KCNQ5: variants seen among roughly 807,000 people sequenced by gnomAD.
KCNQ5 encodes potassium voltage-gated channel subfamily Q member 5.
A neutral mutation model predicts 98.2 loss-of-function variants in KCNQ5; 30 were observed. That is an observed-to-expected ratio of 0.31 (90% CI 0.23 to 0.41). KCNQ5 has a LOEUF of 0.41. KCNQ5 is among the 10% of genes least tolerant of loss of function. The pLI, the probability that KCNQ5 is intolerant of heterozygous loss-of-function variation, is 1.00. For synonymous variants in KCNQ5, 458 were observed against 449.4 expected, an observed-to-expected ratio of 1.02 and a Z score of -0.24; for missense variants, 835 against 1,182.5, an observed-to-expected ratio of 0.71 and a Z score of 4.31.
At chr6:72,725,634 A>G (rs1770223724) in intron 1 of KCNQ5, among the ~76,000 whole-genome samples, 2 of 152,162 alleles carry the variant, frequency 1.3e-5, no homozygotes, top group South Asian at 4.1e-4. Flanking sequence ...ATAAAAATGC[A>G]TTGTATGTTT....
intron 1 of KCNQ5, among the ~76,000 whole-genome samples, chr6:72,975,426 C>G (rs1175743475): frequency 6.6e-6 from 1 of 152,098 alleles, no homozygotes; most frequent in Non-Finnish European, 1.5e-5. Context: ...GCCAACTTTT[C>G]TGATCTATAA....
intron 1 of KCNQ5, among the ~76,000 whole-genome samples, chr6:72,661,096 T>G (rs553277988): frequency 6.6e-6 from 1 of 152,204 alleles, no homozygotes; most frequent in South Asian, 2.1e-4. Flanking sequence ...TATTCATGTC[T>G]AAATCATTTT....
chr6:72,649,396 G>T (rs1765766796), intron 1 of KCNQ5, among the ~76,000 whole-genome samples: 1 of 152,108 alleles, frequency 6.6e-6, no homozygotes, highest in African/African-American at 2.4e-5. Flanking sequence ...CTCGTGTATA[G>T]GCACATTACC....
intron 1 of KCNQ5, among the ~76,000 whole-genome samples, chr6:72,793,549 A>G (rs924482868): frequency 2.6e-5 from 4 of 152,168 alleles, no homozygotes; most frequent in African/African-American, 9.7e-5. Context: ...TTCCCCTTAT[A>G]TTATGGGGGA....
chr6:72,627,765 T>G (rs1381777832), intron 1 of KCNQ5, among the ~76,000 whole-genome samples: 1 of 152,218 alleles, frequency 6.6e-6, no homozygotes, highest in Non-Finnish European at 1.5e-5. Flanking sequence ...CTTACTGCAC[T>G]GCTCCACCCT....
intron 1 of KCNQ5, among the ~76,000 whole-genome samples, chr6:72,950,247 A>G (rs1374463801): frequency 6.6e-6 from 1 of 152,188 alleles, no homozygotes; most frequent in Non-Finnish European, 1.5e-5. Context: ...CGTATTCAGT[A>G]TCATTTCTTC....
intron 1 of KCNQ5, among the ~76,000 whole-genome samples, chr6:72,984,348 G>A (rs192007904): frequency 2.6e-5 from 4 of 152,302 alleles, no homozygotes; most frequent in Admixed American, 6.5e-5. Flanking sequence ...AGGCCTTGTT[G>A]AGCTGCGTGG....
chr6:73,007,111 A>G (rs1215750903), intron 2 of KCNQ5, among the ~76,000 whole-genome samples: 1 of 152,142 alleles, frequency 6.6e-6, no homozygotes, highest in East Asian at 1.9e-4. Context: ...CCTCATTTCC[A>G]TCCAGAATGG....
chr6:72,814,435 A>G (rs946952410), intron 1 of KCNQ5, among the ~76,000 whole-genome samples: 1 of 152,254 alleles, frequency 6.6e-6, no homozygotes, highest in African/African-American at 2.4e-5. Context: ...CCAACCTCAT[A>G]GATTCCTGTG....
intron 1 of KCNQ5, among the ~76,000 whole-genome samples, chr6:72,724,015 C>A (rs1289768625): frequency 3.3e-5 from 5 of 152,060 alleles, no homozygotes; most frequent in Non-Finnish European, 7.4e-5. Context: ...TTTCTTTTGA[C>A]ACGCTTTCTT....
chr6:72,919,101 T>A (rs1009681312), intron 1 of KCNQ5, among the ~76,000 whole-genome samples: 2 of 152,196 alleles, frequency 1.3e-5, no homozygotes, highest in African/African-American at 2.4e-5. Flanking sequence ...TTGGCCCTGA[T>A]TCTAGATGGC....
At chr6:73,180,477 C>T (rs778621002) in intron 11 of KCNQ5, among the ~76,000 whole-genome samples, 7 of 152,174 alleles carry the variant, frequency 4.6e-5, no homozygotes, top group Non-Finnish European at 1.0e-4. Flanking sequence ...CACCAAGGCA[C>T]ACTAATGCCA....
chr6:72,937,770 T>A (rs779332897), intron 1 of KCNQ5, among the ~76,000 whole-genome samples: 1 of 151,852 alleles, frequency 6.6e-6, no homozygotes, highest in African/African-American at 2.4e-5. Context: ...TAAAGTAAAA[T>A]TTTTTTTATT....
intron 10 of KCNQ5, among the ~76,000 whole-genome samples, chr6:73,160,765 C>CT (rs1177086214): frequency 6.6e-6 from 1 of 152,188 alleles, no homozygotes; most frequent in African/African-American, 2.4e-5. Context: ...AACCAGTGGT[C>CT]TTTGCCCTTG....
chr6:72,964,988 T>C (rs960325755), intron 1 of KCNQ5, among the ~76,000 whole-genome samples: 1 of 152,246 alleles, frequency 6.6e-6, no homozygotes, highest in Non-Finnish European at 1.5e-5. Context: ...TCTATTTGTT[T>C]ATTTTGTAGA....
chr6:72,857,048 T>C (rs1777563180), intron 1 of KCNQ5, among the ~76,000 whole-genome samples: 1 of 152,218 alleles, frequency 6.6e-6, no homozygotes. Context: ...TGAAGGCTCT[T>C]AACTCCCACT....
intron 4 of KCNQ5, 50 bp downstream of exon 4, chr6:73,077,547 TTGATCGCTG>T: frequency 6.5e-7 from 1 of 1,537,402 alleles, no homozygotes; most frequent in South Asian, 1.2e-5. Context: ...AACTTTTTCA[TTGATCGCTG>T]TAATAGTTAA....
chr6:72,984,312 C>T (rs1456884284), intron 1 of KCNQ5, among the ~76,000 whole-genome samples: 2 of 152,212 alleles, frequency 1.3e-5, no homozygotes, highest in African/African-American at 4.8e-5. Flanking sequence ...GCCCTGCCCC[C>T]AGAGGTGGAG....
chr6:73,044,114 C>T (rs1180440583), intron 3 of KCNQ5, among the ~76,000 whole-genome samples: 1 of 152,086 alleles, frequency 6.6e-6, no homozygotes, highest in African/African-American at 2.4e-5. Context: ...AGACCTGTCT[C>T]TACAAAAATT....
Sources: gnomAD v4.1 joint callset for allele counts (sites outside exome capture counted in the v4.1 genomes callset) on GRCh38, gnomAD v4.1.1 for gene constraint, MANE v1.5 for transcripts, NCBI Gene and HGNC (gene_info 2026-07-23, HGNC 2026-07-21) for gene names.